ISOC2: variants seen among roughly 807,000 people sequenced by gnomAD.
ISOC2 encodes isochorismatase domain-containing protein 2.
A neutral mutation model predicts 19.3 loss-of-function variants in ISOC2; 15 were observed. That is an observed-to-expected ratio of 0.78 (90% CI 0.52 to 1.20). The LOEUF is 1.20. Among genes scored for constraint, ISOC2 ranks in the 50% most tolerant of loss-of-function variants. ISOC2 has a pLI of 0.00. For synonymous variants in ISOC2, 106 were observed against 115.8 expected (o/e 0.92, Z 0.54); for missense variants, 285 against 272.4 (o/e 1.05, Z -0.33).
rs1178441574 is a variant in ISOC2 at position 55,461,093 on chromosome 19, G to C, written c.-4+419C>G. Among the ~76,000 whole-genome samples the C allele has an allele frequency of 3.3e-5, 5 of 152,220 alleles. No individual in the cohort carries two copies. In the East Asian group the frequency reaches 9.7e-4, roughly 29 times the overall value. The stretch of plus-strand genomic sequence containing the variant: ...GGGTTGGGCGTGTCCTGCGGAACGA[G>C]GAGAGATTCAGCCTGGGTGGAGGGT... On this transcript the variant is annotated intron_variant, in intron 1 of 5. Transcript: ENST00000425675.
In ISOC2 at chr19:55,453,348, A is replaced by G. The variant is rs1358794150; in HGVS notation, c.578T>C (p.Leu193Pro). The change falls in exon 6 of 6, where the codon CTG (leucine) becomes CCG (proline). Residue 193 changes from leucine (L) to proline (P), a missense_variant. Leu to Pro is a moderately conservative substitution (Grantham distance 98, BLOSUM62 -3). Coordinates refer to ENST00000425675, the MANE Select transcript of ISOC2 (RefSeq NM_001136201.2). ...GTTCTGGCCTTGGAAGAGGCCCAGC[A>G]GTCCGCTGTCTGGGGCGGGCTCCTT... ...LIKEPAPDSG[L>P]LGLFQGQNSL... is the part of the protein sequence containing the mutation. 7 of 1,608,440 alleles carry G rather than the reference A, an allele frequency of 4.4e-6. No homozygotes were observed. In the South Asian group the frequency reaches 5.6e-5, roughly 13 times the overall value.
At chr19:55,456,288 G>T (rs955311178) in intron 2 of ISOC2, 61 bp downstream of exon 2, 1 of 957,436 alleles carries the variant, frequency 1.0e-6, no homozygotes, top group Non-Finnish European at 1.6e-6. Flanking sequence ...TGGATCCTGG[G>T]TCTGAGGGTG....
chr19:55,455,423 A>C (rs2042840223), intron 3 of ISOC2, 93 bp from the exon 4 acceptor site: 3 of 1,514,308 alleles, frequency 2.0e-6, no homozygotes, highest in Non-Finnish European at 2.7e-6. Context: ...AGGGGCCCAG[A>C]ATGGGGAGGA....
chr19:55,457,645 A>G (rs1265996751), intron 1 of ISOC2, among the ~76,000 whole-genome samples: 1 of 152,020 alleles, frequency 6.6e-6, no homozygotes, highest in East Asian at 1.9e-4. Flanking sequence ...CCTGGCCAAC[A>G]TGGTGAAACC....
At chr19:55,454,076 A>T (rs1260124635) in intron 5 of ISOC2, 1 of 152,446 alleles carries the variant, frequency 6.6e-6, no homozygotes, top group African/African-American at 2.4e-5. Flanking sequence ...CCGTGGCTGA[A>T]ATCTCAAACC....
chr19:55,456,391 G>A lies in ISOC2; in HGVS notation c.96C>T (p.Ala32=), dbSNP rs758703277. The change falls in exon 2 of 6, where the codon GCC becomes GCT. Residue 32 remains alanine, a synonymous_variant. Coordinates refer to ENST00000425675, the MANE Select transcript of ISOC2 (RefSeq NM_001136201.2). The part of the protein sequence containing the change: ...DMQEKFRHNI[A]YFPQIVSVAA... ...CCACTGAGACGATCTGTGGGAAGTA[G>A]GCGATGTTGTGGCGGAACTTCTCCT... The A allele has an allele frequency of 1.9e-6, 3 of 1,613,834 alleles. No homozygotes were observed. The Admixed American group carries it at 5.0e-5, about 27-fold the overall frequency.
At chr19:55,456,626 T>C in intron 1 of ISOC2, 137 bp from the exon 2 acceptor site, 1 of 1,085,412 alleles carries the variant, frequency 9.2e-7, no homozygotes, top group Non-Finnish European at 1.3e-6. Flanking sequence ...TCAAGGTCTC[T>C]GTGTCTGCTG....
chr19:55,458,122 C>T (rs1480955286), intron 1 of ISOC2, among the ~76,000 whole-genome samples: 1 of 152,010 alleles, frequency 6.6e-6, no homozygotes, highest in Non-Finnish European at 1.5e-5. Flanking sequence ...GGTGAAGCCA[C>T]CTGGCCAGCA....
rs778208571 is a variant in ISOC2, at chr19:55,455,655, T to A, written c.329A>T (p.Glu110Val). The A allele has an allele frequency of 1.3e-6, 2 of 1,598,370 alleles. No homozygotes were observed. The highest frequency in any genetic ancestry group is 1.7e-5 in the Admixed American group (1 of 59,074). Residue 110 changes from glutamate to valine, a missense_variant, in exon 3 of 6, where the codon GAG becomes GTG. Transcript: ENST00000425675. ...QLRSVLLCGI[E>V]AQACILNTTL... The stretch of plus-strand genomic sequence containing the variant: ...TCTCACCAAGATGCAGGCCTGTGCC[T>A]CAATGCCACAGAGCAGCACAGAGCG...
chr19:55,457,540 A>G (rs1460907682), intron 1 of ISOC2, among the ~76,000 whole-genome samples: 2 of 151,360 alleles, frequency 1.3e-5, no homozygotes, highest in Non-Finnish European at 1.5e-5. Flanking sequence ...GTCTCAAAAA[A>G]AAAAGAGACT....
Position 55,453,179 on chromosome 19 carries a change from G to GCCCCC in ISOC2, c.*124_*128dup, listed in dbSNP as rs3214450. 253 of 539,658 alleles carry GCCCCC rather than the reference G, an allele frequency of 4.7e-4. No homozygotes were observed. Among genetic ancestry groups the GCCCCC allele is most frequent in the East Asian group, 7.2e-4 (20 of 27,820 alleles). The allele number at this position is 539,658 out of a possible 1,614,324, so 33.4% of individuals were successfully genotyped here. A position where few individuals can be genotyped will look rare whatever the true frequency, so the allele number is the denominator to read the frequency against. On this transcript the variant is annotated 3_prime_UTR_variant, in exon 6 of 6. Coordinates refer to ENST00000425675, the MANE Select transcript of ISOC2 (RefSeq NM_001136201.2). ...CTGTCCAATGGGAAGGCAGCACCCT[G>GCCCCC]CCCCCCCCACAAGGGGGCGGCACTC...
At chr19:55,455,582 G>T in intron 3 of ISOC2, 54 bp downstream of exon 3, 1 of 1,431,150 alleles carries the variant, frequency 7.0e-7, no homozygotes, top group Non-Finnish European at 9.5e-7. Flanking sequence ...GTTCTATTTA[G>T]GATGGGGGTC....
At chr19:55,461,145 G>C (rs1441161004) in intron 1 of ISOC2, among the ~76,000 whole-genome samples, 1 of 152,056 alleles carries the variant, frequency 6.6e-6, no homozygotes, top group Non-Finnish European at 1.5e-5. Context: ...GGCGTGGCTG[G>C]AGGTGGGCGG....
chr19:55,454,772 T>C (rs1985986997), intron 5 of ISOC2: 1 of 563,276 alleles, frequency 1.8e-6, no homozygotes. Flanking sequence ...ACCCTCTGGA[T>C]TGCCTCCCCC....
Position 55,455,829 on chromosome 19 carries a change from T to G in ISOC2, c.155A>C (p.Glu52Ala). Residue 52 changes from glutamate (E) to alanine (A), a missense_variant, in exon 3 of 6, where the codon GAG (glutamate) becomes GCG (alanine). Coordinates refer to ENST00000425675, the MANE Select transcript of ISOC2 (RefSeq NM_001136201.2). ...CTGCTCCGTCAGCATGACTGGCACC[T>G]CAAGCAGCCGGGCCACCTGTGCCAG... The part of the protein sequence containing the change: ...ARMLKVARLL[E>A]VPVMLTEQYP... 1 of 1,538,518 alleles carries G rather than the reference T, an allele frequency of 6.5e-7. No individual in the cohort carries two copies.
rs3214450 is a variant in ISOC2 at position 55,453,179 on chromosome 19, G to GCCCCCCCCC, written c.*128_*129insGGGGGGGGG. 1.3e-5 allele frequency: 7 copies of GCCCCCCCCC among 539,604 alleles called. No individual in the cohort carries two copies. The highest frequency in any genetic ancestry group is 1.2e-4 in the South Asian group (4 of 34,258). The allele number at this position is 539,604 out of a possible 1,614,324, so 33.4% of individuals were successfully genotyped here. A position where few individuals can be genotyped will look rare whatever the true frequency, so the allele number is the denominator to read the frequency against. The stretch of plus-strand genomic sequence containing the variant: ...CTGTCCAATGGGAAGGCAGCACCCT[G>GCCCCCCCCC]CCCCCCCCACAAGGGGGCGGCACTC... On this transcript the variant is annotated 3_prime_UTR_variant, in exon 6 of 6. Transcript: ENST00000425675.
At chr19:55,459,824 G>A (rs1008038293) in intron 1 of ISOC2, 2 of 152,316 alleles carry the variant, frequency 1.3e-5, no homozygotes, top group East Asian at 1.9e-4. Flanking sequence ...GCTGACAGGT[G>A]GGTCACAAGG....
intron 3 of ISOC2, 130 bp from the exon 4 acceptor site, chr19:55,455,460 C>A: frequency 7.5e-7 from 1 of 1,330,632 alleles, no homozygotes; most frequent in Non-Finnish European, 1.1e-6. Flanking sequence ...AGGAAGGGGC[C>A]CCCAGGTCAG....
Position 55,455,691 on chromosome 19 carries a change from C to G in ISOC2, c.293G>C (p.Arg98Pro). Reference protein sequence around the residue: ...VPALQQELDSRPQLRSVLLCG... With the variant: ...VPALQQELDSPPQLRSVLLCG... The stretch of plus-strand genomic sequence containing the variant: ...GAGCAGCACAGAGCGCAGCTGGGGC[C>G]GACTGTCCAGCTCCTGCTGCAGGGC... The change falls in exon 3 of 6, where the codon CGG becomes CCG. Residue 98 changes from arginine to proline, a missense_variant. Arg to Pro is a moderately radical substitution (Grantham distance 103). Coordinates refer to ENST00000425675, the MANE Select transcript of ISOC2 (RefSeq NM_001136201.2). The G allele has an allele frequency of 1.9e-6, 3 of 1,610,798 alleles. No individual in the cohort carries two copies. The highest frequency in any genetic ancestry group is 2.5e-6 in the Non-Finnish European group (3 of 1,178,572).
Sources: gnomAD v4.1 joint callset for allele counts (sites outside exome capture counted in the v4.1 genomes callset) on GRCh38, gnomAD v4.1.1 for gene constraint, MANE v1.5 for transcripts, NCBI Gene and HGNC (gene_info 2026-07-23, HGNC 2026-07-21) for gene names.